Variants in PIEZO2 observed in about 807,000 individuals in gnomAD.
PIEZO2 encodes piezo type mechanosensitive ion channel component 2, also known as piezo-type mechanosensitive ion channel component 2.
In PIEZO2, 172 loss-of-function variants were observed where a neutral mutation model predicts 337.3. The observed-to-expected ratio is 0.51, with a 90% CI of 0.45 to 0.58. PIEZO2 has a LOEUF of 0.58. Among genes scored for constraint, PIEZO2 ranks in the 20% least tolerant of loss-of-function variants. The probability of loss-of-function intolerance (pLI) is 0.00; values close to 1 mark genes in which losing one functional copy is unlikely to be tolerated. For missense variants in PIEZO2, 3,028 were observed against 3,391.3 expected, an observed-to-expected ratio of 0.89 and a Z score of 2.66; for synonymous variants, 1,251 against 1,228.5, an observed-to-expected ratio of 1.02 and a Z score of -0.38.
At chr18:11,122,195 T>C (rs1310931944) in intron 1 of PIEZO2, among the ~76,000 whole-genome samples, 2 of 152,152 alleles carry the variant, frequency 1.3e-5, no homozygotes, top group Non-Finnish European at 2.9e-5. Flanking sequence ...CACCTCATGA[T>C]CCACCCGCCT....
chr18:10,846,890 G>C lies in PIEZO2; in HGVS notation c.917+8463C>G, dbSNP rs959657905. Among the ~76,000 whole-genome samples, 1 of 152,144 alleles carries C rather than the reference G, an allele frequency of 6.6e-6. No homozygotes were observed. The highest frequency in any genetic ancestry group is 1.5e-5 in the Non-Finnish European group (1 of 68,024). On this transcript the variant is annotated intron_variant, in intron 7 of 55. Coordinates refer to ENST00000674853, the MANE Select transcript of PIEZO2 (RefSeq NM_001378183.1). This position sits in a 1 kb window ranked among gnomAD's most constrained non-coding sequence, Gnocchi z 4.1. ...CATGATGGGAGATAAGGCTAGAACTGTTGGAAATGGGGAAGTGAGTTTGAA... is the reference window on the plus strand; with the variant it reads ...CATGATGGGAGATAAGGCTAGAACTCTTGGAAATGGGGAAGTGAGTTTGAA...
chr18:10,936,053 G>A (rs1400646231), intron 3 of PIEZO2, among the ~76,000 whole-genome samples: 2 of 152,168 alleles, frequency 1.3e-5, no homozygotes, highest in South Asian at 2.1e-4. Flanking sequence ...GTCTTGGGAG[G>A]TCTTTGTATA....
In PIEZO2 at chr18:11,101,745, T is replaced by C. The variant is rs1307304720; in HGVS notation, c.65-35523A>G. The stretch of plus-strand genomic sequence containing the variant: ...CATTTTTCTCTTAGGTTATTGTTTT[T>C]TAAAAAATGCTAGATTGATAAATAT... On this transcript the variant is annotated intron_variant, in intron 1 of 55. Coordinates refer to ENST00000674853, the MANE Select transcript of PIEZO2 (RefSeq NM_001378183.1). This position sits in a 1 kb window ranked among gnomAD's most constrained non-coding sequence, Gnocchi z 4.4. Among the ~76,000 whole-genome samples, 1 of 152,200 alleles carries C rather than the reference T, an allele frequency of 6.6e-6. No homozygotes were observed. The highest frequency in any genetic ancestry group is 1.5e-5 in the Non-Finnish European group (1 of 68,032).
At position 11,001,089 on chromosome 18, in the gene PIEZO2, C is replaced by G. The variant is rs1188145405; in HGVS notation, c.161-21429G>C. On this transcript the variant is annotated intron_variant, in intron 2 of 55. Transcript: ENST00000674853. The surrounding 1 kb of genome is among the most constrained non-coding windows in gnomAD (Gnocchi z 5.3). Reference sequence around the variant, plus strand: ...GTCATGAGTCAACCACCCCTGGAACCTGGAAGAATATGTGTCTTGGTCATG... The same window carrying G: ...GTCATGAGTCAACCACCCCTGGAACGTGGAAGAATATGTGTCTTGGTCATG... Among the ~76,000 whole-genome samples, 1 of 152,154 alleles carries G rather than the reference C, an allele frequency of 6.6e-6. No individual in the cohort carries two copies. The highest frequency in any genetic ancestry group is 2.4e-5 in the African/African-American group (1 of 41,446).
In PIEZO2 at chr18:11,005,348, A is replaced by G. The variant is rs8094845; in HGVS notation, c.161-25688T>C. 8.7e-3 allele frequency among the ~76,000 whole-genome samples: 1,321 copies of G among 152,328 alleles called. 22 individuals carry two copies. The highest frequency in any genetic ancestry group is 0.03 in the African/African-American group (1,237 of 41,572). The stretch of plus-strand genomic sequence containing the variant: ...GCTACACTTCATTCTCTTGTGCCCA[A>G]TATAACTTTGCGTTTGTCTTTTATT... On this transcript the variant is annotated intron_variant, in intron 2 of 55. Coordinates refer to ENST00000674853, the MANE Select transcript of PIEZO2 (RefSeq NM_001378183.1).
intron 2 of PIEZO2, among the ~76,000 whole-genome samples, chr18:11,014,162 C>T (rs1181617530): frequency 3.3e-5 from 5 of 151,868 alleles, no homozygotes; most frequent in African/African-American, 1.2e-4. Context: ...AATCCAGGGC[C>T]CCCTCATTCC....
In PIEZO2 at chr18:11,143,379, C is replaced by A. The variant is rs2040711458; in HGVS notation, c.64+5146G>T. ...AATTCACTGTTAGTAGCACAAGAACCCAAAAGGAAAATGACATGTTAGAAA... is the reference window on the plus strand; with the variant it reads ...AATTCACTGTTAGTAGCACAAGAACACAAAAGGAAAATGACATGTTAGAAA... On this transcript the variant is annotated intron_variant, in intron 1 of 55. Transcript: ENST00000674853. This position sits in a 1 kb window ranked among gnomAD's most constrained non-coding sequence, Gnocchi z 4.9. Among the ~76,000 whole-genome samples the A allele has an allele frequency of 6.6e-6, 1 of 151,604 alleles. No homozygotes were observed. The highest frequency in any genetic ancestry group is 2.4e-5 in the African/African-American group (1 of 41,232).
At chr18:10,788,423 AAAGAAAGGAAGG>A (rs1345030066) in intron 15 of PIEZO2, among the ~76,000 whole-genome samples, 14 of 123,400 alleles carry the variant, frequency 1.1e-4, no homozygotes, top group South Asian at 2.6e-4. Context: ...AAAAAAAAAG[AAAGAAAGGAAGG>A]AAGGAAGGAA....
At chr18:10,996,422 C>T (rs2035322565) in intron 2 of PIEZO2, among the ~76,000 whole-genome samples, 1 of 152,158 alleles carries the variant, frequency 6.6e-6, no homozygotes, top group African/African-American at 2.4e-5. Flanking sequence ...GTCCATTCAC[C>T]ATGTTGTGCA....
chr18:10,970,113 TG>T (rs2034174525), intron 3 of PIEZO2, among the ~76,000 whole-genome samples: 1 of 152,208 alleles, frequency 6.6e-6, no homozygotes, highest in Non-Finnish European at 1.5e-5. Flanking sequence ...ACTGATACTC[TG>T]GGTATTTGGG....
chr18:11,086,857 G>A (rs917343145), intron 1 of PIEZO2, among the ~76,000 whole-genome samples: 1 of 151,688 alleles, frequency 6.6e-6, no homozygotes, highest in South Asian at 2.1e-4. Context: ...GTTTTTTTCC[G>A]CAGAAAACAA....
chr18:11,106,791 G>A (rs1275589931), intron 1 of PIEZO2, among the ~76,000 whole-genome samples: 2 of 152,154 alleles, frequency 1.3e-5, no homozygotes, highest in African/African-American at 2.4e-5. Flanking sequence ...GACCAGCAGT[G>A]CTCCTTTCCC....
chr18:10,903,540 C>T lies in PIEZO2; in HGVS notation c.329+7646G>A, dbSNP rs972173873. Among the ~76,000 whole-genome samples the T allele has an allele frequency of 3.3e-5, 5 of 151,954 alleles. No individual in the cohort carries two copies. The highest frequency in any genetic ancestry group is 6.6e-5 in the Admixed American group (1 of 15,242). ...AAAAAATTAGCTGGGCATAGTGGCG[C>T]GCTCCTGTAGTCCCAGCTACTTGGG... On this transcript the variant is annotated intron_variant, in intron 4 of 55. Transcript: ENST00000674853. The surrounding 1 kb of genome is among the most constrained non-coding windows in gnomAD (Gnocchi z 4.1).
At chr18:10,711,556 G>T (rs148015318) in intron 39 of PIEZO2, among the ~76,000 whole-genome samples, 2 of 151,976 alleles carry the variant, frequency 1.3e-5, no homozygotes, top group Non-Finnish European at 2.9e-5. Context: ...ACAAATTAAT[G>T]AAGAAAGGCA....
In PIEZO2 at chr18:10,922,041, C is replaced by T. The variant is rs185898161; in HGVS notation, c.287-10813G>A. 2.9e-3 allele frequency among the ~76,000 whole-genome samples: 441 copies of T among 152,226 alleles called. 1 individual carries two copies. The highest frequency in any genetic ancestry group is 9.5e-3 in the African/African-American group (395 of 41,550). ...TTCATTAGCAATTTTAATTTTGCCC[C>T]GGTCCTGTGGTCCTGTGATCTCGCC... On this transcript the variant is annotated intron_variant, in intron 3 of 55. Coordinates refer to ENST00000674853, the MANE Select transcript of PIEZO2 (RefSeq NM_001378183.1).
chr18:11,101,703 A>G lies in PIEZO2; in HGVS notation c.65-35481T>C, dbSNP rs1034644527. Among the ~76,000 whole-genome samples the G allele has an allele frequency of 1.3e-5, 2 of 152,218 alleles. No individual in the cohort carries two copies. Among genetic ancestry groups the G allele is most frequent in the African/African-American group, 4.8e-5 (2 of 41,452 alleles). On this transcript the variant is annotated intron_variant, in intron 1 of 55. Coordinates refer to ENST00000674853, the MANE Select transcript of PIEZO2 (RefSeq NM_001378183.1). The surrounding 1 kb of genome is among the most constrained non-coding windows in gnomAD (Gnocchi z 4.4). ...ATCCTCACAGAGAATTTCCTAAAGC[A>G]TTTAAGTCGAGATGGTCATTTTTCT... is the stretch of plus-strand genomic sequence containing the variant.
intron 4 of PIEZO2, chr18:10,890,441 A>G (rs1464879591): frequency 2.6e-5 from 4 of 152,228 alleles, no homozygotes; most frequent in Non-Finnish European, 5.9e-5. Context: ...GACATACCCA[A>G]TACTGGGTTT....
chr18:10,711,528 A>G (rs1488279732), intron 39 of PIEZO2, among the ~76,000 whole-genome samples: 2 of 152,164 alleles, frequency 1.3e-5, no homozygotes, highest in East Asian at 1.9e-4. Context: ...AATGTCACCA[A>G]TTACTGTTAA....
At chr18:10,949,613 A>T (rs2033194302) in intron 3 of PIEZO2, among the ~76,000 whole-genome samples, 1 of 152,248 alleles carries the variant, frequency 6.6e-6, no homozygotes, top group Admixed American at 6.5e-5. Context: ...CAATCTCAGA[A>T]GTGCATTGAA....
Sources: allele counts gnomAD v4.1 joint callset (sites outside exome capture counted in the v4.1 genomes callset), GRCh38; gene constraint gnomAD v4.1.1; non-coding constraint Gnocchi (gnomAD v3.1); transcripts MANE v1.5; gene names NCBI Gene and HGNC (gene_info 2026-07-23, HGNC 2026-07-21).